The following TMPRSS15 variants were observed in gnomAD, a reference collection of about 807,000 sequenced individuals.
TMPRSS15 encodes enteropeptidase.
In TMPRSS15, 128 loss-of-function variants were observed where a neutral mutation model predicts 125.3. The ratio of observed to expected loss-of-function variants is 1.02; its 90% CI spans 0.89 to 1.18. The LOEUF (loss-of-function observed/expected upper bound fraction) is 1.18, where lower values mean the gene tolerates loss of function less well. Ranked by LOEUF, TMPRSS15 falls within the 50% of genes most tolerant of loss-of-function variation. The pLI, the probability that TMPRSS15 is intolerant of heterozygous loss-of-function variation, is 0.00. For missense variants in TMPRSS15, 1,283 were observed against 1,212.7 expected, an observed-to-expected ratio of 1.06 and a Z score of -0.86; for synonymous variants, 446 against 423.2, an observed-to-expected ratio of 1.05 and a Z score of -0.66.
rs1023546338 is a variant in TMPRSS15 at position 18,298,485 on chromosome 21, C to G, written c.2166-656G>C. Among the ~76,000 whole-genome samples, 3 of 152,196 alleles carry G rather than the reference C, an allele frequency of 2.0e-5. No homozygotes were observed. In the South Asian group the frequency reaches 6.2e-4, roughly 31 times the overall value. On this transcript the variant is annotated intron_variant, in intron 18 of 24. Transcript: ENST00000284885. Reference sequence around the variant, plus strand: ...GTGGAGAGAGACACCTCTGTGTGATCAAAGACATTGAGGCCCCAGGCTTTC... The same window carrying G: ...GTGGAGAGAGACACCTCTGTGTGATGAAAGACATTGAGGCCCCAGGCTTTC...
intron 1 of TMPRSS15, among the ~76,000 whole-genome samples, chr21:18,450,695 A>G (rs1569071474): frequency 1.3e-5 from 2 of 152,022 alleles, no homozygotes; most frequent in East Asian, 3.8e-4. Flanking sequence ...TGGGAAAAAA[A>G]TCCAAGACAG....
At chr21:18,330,726 T>C (rs2075335810) in intron 14 of TMPRSS15, among the ~76,000 whole-genome samples, 1 of 152,208 alleles carries the variant, frequency 6.6e-6, no homozygotes. Context: ...TGTTTAAATG[T>C]TCCACTTCTT....
chr21:18,313,188 A>C, intron 17 of TMPRSS15, 111 bp from the exon 18 acceptor site: 2 of 790,702 alleles, frequency 2.5e-6, no homozygotes, highest in Non-Finnish European at 4.4e-6. Flanking sequence ...GAATAAGTTC[A>C]TGAGATCTCT....
chr21:18,352,232 C>G (rs966974893), intron 10 of TMPRSS15, among the ~76,000 whole-genome samples: 3 of 152,014 alleles, frequency 2.0e-5, no homozygotes, highest in Non-Finnish European at 4.4e-5. Flanking sequence ...TTTCTGGTTT[C>G]TCAGCAAAAT....
At chr21:18,276,829 G>C (rs566572203) in intron 23 of TMPRSS15, among the ~76,000 whole-genome samples, 23 of 146,182 alleles carry the variant, frequency 1.6e-4, no homozygotes, top group Admixed American at 1.4e-3. Flanking sequence ...GCGCAATCTC[G>C]GCTCACTGCA....
At chr21:18,399,881 G>A (rs2076079338) in intron 1 of TMPRSS15, among the ~76,000 whole-genome samples, 1 of 152,082 alleles carries the variant, frequency 6.6e-6, no homozygotes, top group African/African-American at 2.4e-5. Context: ...CTTCAGCAAA[G>A]TTTCAGGATA....
chr21:18,325,334 C>G (rs1206769491), intron 16 of TMPRSS15, among the ~76,000 whole-genome samples: 2 of 152,034 alleles, frequency 1.3e-5, no homozygotes, highest in Non-Finnish European at 2.9e-5. Flanking sequence ...TGAGCTACCA[C>G]TTACTTCTAC....
chr21:18,482,306 A>T (rs1407747122), intron 1 of TMPRSS15, among the ~76,000 whole-genome samples: 1 of 151,576 alleles, frequency 6.6e-6, no homozygotes, highest in Non-Finnish European at 1.5e-5. Context: ...CACTTCTAAA[A>T]ATAGTATCTT....
intron 1 of TMPRSS15, among the ~76,000 whole-genome samples, chr21:18,418,380 G>A (rs567641505): frequency 7.9e-5 from 12 of 152,180 alleles, no homozygotes; most frequent in South Asian, 2.1e-4. Flanking sequence ...GTCATTCTGC[G>A]GCCAGTACTG....
intron 21 of TMPRSS15, among the ~76,000 whole-genome samples, chr21:18,282,146 T>C (rs1243959457): frequency 6.7e-6 from 1 of 148,882 alleles, no homozygotes; most frequent in Non-Finnish European, 1.5e-5. Flanking sequence ...TGCCTTATTA[T>C]AATTTTTATA....
At chr21:18,273,328 G>A (rs757944747) in intron 24 of TMPRSS15, among the ~76,000 whole-genome samples, 8 of 152,100 alleles carry the variant, frequency 5.3e-5, no homozygotes, top group Non-Finnish European at 7.4e-5. Flanking sequence ...CAGTAATAAC[G>A]TGTTCACAAT....
intron 14 of TMPRSS15, among the ~76,000 whole-genome samples, chr21:18,330,160 C>A (rs1472990237): frequency 6.6e-6 from 1 of 152,078 alleles, no homozygotes; most frequent in Non-Finnish European, 1.5e-5. Flanking sequence ...TTTCTCCTAC[C>A]ACATCCGATC....
intron 8 of TMPRSS15, among the ~76,000 whole-genome samples, chr21:18,357,475 A>T (rs2075637317): frequency 6.6e-6 from 1 of 151,814 alleles, no homozygotes; most frequent in African/African-American, 2.4e-5. Flanking sequence ...TATGATGATA[A>T]TTCCTTACAT....
At chr21:18,351,823 T>G (rs2147003956) in intron 10 of TMPRSS15, among the ~76,000 whole-genome samples, 1 of 152,218 alleles carries the variant, frequency 6.6e-6, no homozygotes, top group Admixed American at 6.5e-5. Context: ...AGTGAGTAAA[T>G]ATAATGCTAT....
intron 3 of TMPRSS15, among the ~76,000 whole-genome samples, chr21:18,384,054 C>A (rs2075919511): frequency 1.3e-5 from 2 of 152,228 alleles, no homozygotes; most frequent in South Asian, 4.1e-4. Flanking sequence ...GTACTCATCC[C>A]CAGGCCAGGA....
chr21:18,345,666 G>T (rs991392936), intron 10 of TMPRSS15, among the ~76,000 whole-genome samples: 1 of 137,016 alleles, frequency 7.3e-6, no homozygotes, highest in African/African-American at 2.7e-5. Context: ...ACGTGAACCC[G>T]GGAGGTGGAG....
At chr21:18,341,045 A>T (rs541379681) in intron 13 of TMPRSS15, among the ~76,000 whole-genome samples, 9 of 152,212 alleles carry the variant, frequency 5.9e-5, no homozygotes, top group African/African-American at 1.9e-4. Flanking sequence ...CTACCTGAAA[A>T]TAATTATTGT....
rs1251900051 is a variant in TMPRSS15 at position 18,397,947 on chromosome 21, C to A, written c.277-1G>T. Reference sequence around the variant, plus strand: ...TGCTTGATAGAAAGATCTCATCTATCTAGAAAAATATAAAAGATTGAATGA... The same window carrying A: ...TGCTTGATAGAAAGATCTCATCTATATAGAAAAATATAAAAGATTGAATGA... On this transcript the variant is annotated splice_acceptor_variant, in intron 2 of 24. Transcript: ENST00000284885. LOFTEE classifies it high-confidence loss of function. 2 of 1,489,470 alleles carry A rather than the reference C, an allele frequency of 1.3e-6. No homozygotes were observed. The highest frequency in any genetic ancestry group is 1.4e-5 in the African/African-American group (1 of 71,520). 92.3% of individuals were successfully genotyped at this position (1,489,470 alleles called of 1,614,324 possible).
chr21:18,332,879 G>A (rs1324900265), intron 13 of TMPRSS15, among the ~76,000 whole-genome samples: 2 of 152,178 alleles, frequency 1.3e-5, no homozygotes, highest in African/African-American at 4.8e-5. Flanking sequence ...TAAAGAAAAG[G>A]TGGTACATAT....
Sources: allele counts gnomAD v4.1 joint callset (sites outside exome capture counted in the v4.1 genomes callset), GRCh38; gene constraint gnomAD v4.1.1; transcripts MANE v1.5; gene names NCBI Gene and HGNC (gene_info 2026-07-23, HGNC 2026-07-21).